The following PIBF1 variants were observed in gnomAD, a reference collection of about 807,000 sequenced individuals.
The protein encoded by PIBF1 is progesterone immunomodulatory binding factor 1, also known as progesterone-induced-blocking factor 1.
A neutral mutation model predicts 112.5 loss-of-function variants in PIBF1; 90 were observed. The observed-to-expected ratio is 0.80, with a 90% confidence interval of 0.67 to 0.95. The LOEUF (loss-of-function observed/expected upper bound fraction) is 0.95, where lower values mean the gene tolerates loss of function less well. PIBF1 is among the 40% of genes least tolerant of loss of function. The pLI is 0.00. For missense variants in PIBF1, 915 were observed against 852.3 expected, an observed-to-expected ratio of 1.07 and a Z score of -0.92; for synonymous variants, 301 against 288.6, an observed-to-expected ratio of 1.04 and a Z score of -0.44.
chr13:72,839,356 G>A (rs1299873174), intron 9 of PIBF1, among the ~76,000 whole-genome samples: 2 of 152,162 alleles, frequency 1.3e-5, no homozygotes, highest in Non-Finnish European at 2.9e-5. Context: ...TGCATAAATA[G>A]TGATATAGTT....
Position 72,860,476 on chromosome 13 carries a change from GA to G in PIBF1, c.1322+6326del, listed in dbSNP as rs561770635. 2.0e-3 allele frequency among the ~76,000 whole-genome samples: 300 copies of G among 152,032 alleles called. 1 individual carries two copies. The highest frequency in any genetic ancestry group is 6.8e-3 in the Middle Eastern group (2 of 294). On this transcript the variant is annotated intron_variant, in intron 10 of 17. Transcript: ENST00000326291. ...TATTTTGTATATAGTGAAGCTTAAGGAAAAATATTTTATTCTTCAGAGGTTA... is the reference window on the plus strand; with the variant it reads ...TATTTTGTATATAGTGAAGCTTAAGGAAAATATTTTATTCTTCAGAGGTTA...
chr13:72,875,268 A>G (rs182695725), intron 10 of PIBF1, among the ~76,000 whole-genome samples: 16 of 152,080 alleles, frequency 1.1e-4, no homozygotes, highest in African/African-American at 2.2e-4. Context: ...ATAGTATTCT[A>G]TTGCTGAGGT....
intron 5 of PIBF1, among the ~76,000 whole-genome samples, chr13:72,806,535 C>A (rs1378660509): frequency 6.6e-6 from 1 of 152,090 alleles, no homozygotes; most frequent in Non-Finnish European, 1.5e-5. Flanking sequence ...TCCCCCACCC[C>A]CTGATAGGCC....
At chr13:72,907,244 ATAAGT>A (rs145698644) in intron 11 of PIBF1, among the ~76,000 whole-genome samples, 16,712 of 152,002 alleles carry the variant, frequency 0.11, 1,238 homozygotes, top group Non-Finnish European at 0.17. Flanking sequence ...ATGATCTGAA[ATAAGT>A]TAAGGAAAAT....
intron 13 of PIBF1, among the ~76,000 whole-genome samples, chr13:72,927,978 C>CAT (rs201688143): frequency 0.093 from 6,865 of 73,830 alleles, 1,081 homozygotes; most frequent in African/African-American, 0.31. Flanking sequence ...TATATATATA[C>CAT]ATATATATAT....
chr13:72,819,066 T>G (rs1045878047), intron 5 of PIBF1, among the ~76,000 whole-genome samples: 3 of 152,090 alleles, frequency 2.0e-5, no homozygotes, highest in African/African-American at 7.2e-5. Context: ...ACATCTGCAC[T>G]CATTCTGGTT....
At chr13:72,906,727 TA>T (rs1176379167) in intron 11 of PIBF1, among the ~76,000 whole-genome samples, 2 of 152,206 alleles carry the variant, frequency 1.3e-5, no homozygotes, top group Admixed American at 1.3e-4. Flanking sequence ...CTTAAAATAA[TA>T]TCTTATAAAA....
intron 14 of PIBF1, among the ~76,000 whole-genome samples, chr13:72,949,844 T>C (rs1184442667): frequency 1.3e-5 from 2 of 152,216 alleles, no homozygotes; most frequent in Non-Finnish European, 2.9e-5. Flanking sequence ...CTCATTTGGA[T>C]AAATGTGTAA....
intron 10 of PIBF1, among the ~76,000 whole-genome samples, chr13:72,878,799 G>T (rs146577069): frequency 1.1e-4 from 16 of 152,176 alleles, no homozygotes; most frequent in Non-Finnish European, 2.2e-4. Flanking sequence ...TCTGTTCTTG[G>T]ACATATAAAT....
At chr13:72,993,521 C>T (rs2043547040) in intron 16 of PIBF1, among the ~76,000 whole-genome samples, 1 of 151,582 alleles carries the variant, frequency 6.6e-6, no homozygotes, top group Non-Finnish European at 1.5e-5. Flanking sequence ...AAGAAAATAC[C>T]TACAAGGAAA....
At chr13:72,943,021 T>C (rs1402980704) in intron 14 of PIBF1, among the ~76,000 whole-genome samples, 1 of 152,066 alleles carries the variant, frequency 6.6e-6, no homozygotes, top group Non-Finnish European at 1.5e-5. Flanking sequence ...AAATATCGTT[T>C]AGTAAAGAAC....
chr13:72,860,036 A>C (rs767020938), intron 10 of PIBF1, among the ~76,000 whole-genome samples: 13 of 152,214 alleles, frequency 8.5e-5, no homozygotes, highest in Non-Finnish European at 1.6e-4. Flanking sequence ...AGATAGTAGG[A>C]CTTTTCACAA....
intron 8 of PIBF1, among the ~76,000 whole-genome samples, chr13:72,831,509 C>A (rs2037112125): frequency 6.6e-6 from 1 of 152,144 alleles, no homozygotes; most frequent in Admixed American, 6.5e-5. Flanking sequence ...TTTCTGCCTT[C>A]ATTTCGTTGT....
At chr13:72,786,660 C>T (rs183554544) in intron 2 of PIBF1, among the ~76,000 whole-genome samples, 23 of 152,276 alleles carry the variant, frequency 1.5e-4, no homozygotes, top group African/African-American at 5.5e-4. Flanking sequence ...AGACATTTCT[C>T]TTCTGGACCT....
At chr13:72,881,044 T>C (rs2039606702) in intron 10 of PIBF1, 1 of 151,798 alleles carries the variant, frequency 6.6e-6, no homozygotes, top group African/African-American at 2.4e-5. Context: ...TAAAGGGCAG[T>C]CAAATTGTTA....
intron 13 of PIBF1, among the ~76,000 whole-genome samples, chr13:72,927,202 G>A (rs1197144867): frequency 6.6e-6 from 1 of 151,884 alleles, no homozygotes; most frequent in East Asian, 1.9e-4. Flanking sequence ...CCAAGTAGCT[G>A]GGATTAAAGA....
intron 8 of PIBF1, among the ~76,000 whole-genome samples, chr13:72,832,881 G>C (rs7318341): frequency 0.74 from 113,181 of 152,126 alleles, 42,481 homozygotes; most frequent in African/African-American, 0.82. Flanking sequence ...TGGTTCCATT[G>C]TCCCCATCAC....
At chr13:72,856,910 G>A (rs1317575315) in intron 10 of PIBF1, among the ~76,000 whole-genome samples, 3 of 152,020 alleles carry the variant, frequency 2.0e-5, no homozygotes, top group Non-Finnish European at 2.9e-5. Flanking sequence ...GCCCATTCTT[G>A]TACATTTACT....
chr13:72,911,769 C>G (rs907609495), intron 12 of PIBF1, among the ~76,000 whole-genome samples: 3 of 152,008 alleles, frequency 2.0e-5, no homozygotes, highest in Non-Finnish European at 4.4e-5. Flanking sequence ...AAAATATTCA[C>G]AAAACATAGA....
Sources: gnomAD v4.1 joint callset for allele counts (sites outside exome capture counted in the v4.1 genomes callset) on GRCh38, gnomAD v4.1.1 for gene constraint, MANE v1.5 for transcripts, NCBI Gene and HGNC (gene_info 2026-07-23, HGNC 2026-07-21) for gene names.